ADAMTS2: variants seen among roughly 807,000 people sequenced by gnomAD.
ADAMTS2 encodes the protein ADAM metallopeptidase with thrombospondin type 1 motif 2.
A neutral mutation model predicts 123.0 loss-of-function variants in ADAMTS2; 50 were observed. The observed-to-expected ratio is 0.41, with a 90% confidence interval of 0.32 to 0.51. The LOEUF (loss-of-function observed/expected upper bound fraction) is 0.51, where lower values mean the gene tolerates loss of function less well. ADAMTS2 is among the 20% of genes least tolerant of loss of function. ADAMTS2 has a pLI of 0.35. For synonymous variants in ADAMTS2, 678 were observed against 695.4 expected, an observed-to-expected ratio of 0.98 and a Z score of 0.39; for missense variants, 1,494 against 1,705.2, an observed-to-expected ratio of 0.88 and a Z score of 2.18.
At chr5:179,133,868 AATT>A (rs1191559172) in intron 13 of ADAMTS2, among the ~76,000 whole-genome samples, 1 of 138,506 alleles carries the variant, frequency 7.2e-6, no homozygotes, top group Non-Finnish European at 1.6e-5. Context: ...AGTCCCAGCT[AATT>A]TTTTTTTTTT....
chr5:179,207,396 GCTAA>G (rs1294416853), intron 4 of ADAMTS2, 113 bp downstream of exon 4: 57 of 1,117,068 alleles, frequency 5.1e-5, no homozygotes, highest in Non-Finnish European at 6.7e-5. Context: ...CTCACCTCCG[GCTAA>G]CAAGGAAATC....
At chr5:179,288,152 A>AG (rs1561690833) in intron 2 of ADAMTS2, among the ~76,000 whole-genome samples, 1 of 151,134 alleles carries the variant, frequency 6.6e-6, no homozygotes, top group Non-Finnish European at 1.5e-5. Flanking sequence ...GGCCCCTCTC[A>AG]GGACCCCTCC....
At chr5:179,221,104 C>T (rs551202160) in intron 3 of ADAMTS2, among the ~76,000 whole-genome samples, 7 of 152,266 alleles carry the variant, frequency 4.6e-5, no homozygotes, top group South Asian at 2.1e-4. Context: ...CAGCCCTGCA[C>T]GGTGGGCCAC....
At position 179,245,029 on chromosome 5, in the gene ADAMTS2, T is replaced by C. The variant is rs1009829999; in HGVS notation, c.688+27882A>G. Among the ~76,000 whole-genome samples the C allele has an allele frequency of 3.9e-5, 6 of 152,238 alleles. No individual in the cohort carries two copies. In the East Asian group the frequency reaches 7.7e-4, roughly 20 times the overall value. On this transcript the variant is annotated intron_variant, in intron 3 of 21. Coordinates refer to ENST00000251582, the MANE Select transcript of ADAMTS2 (RefSeq NM_014244.5). Reference sequence around the variant, plus strand: ...GAACCTATCTATCTGTAAGGTTATATGTAAAGGAAAATTAACATTGTAAAT... The same window carrying C: ...GAACCTATCTATCTGTAAGGTTATACGTAAAGGAAAATTAACATTGTAAAT...
intron 3 of ADAMTS2, among the ~76,000 whole-genome samples, chr5:179,217,842 GCACACTCACTA>G (rs1321208863): frequency 1.3e-3 from 94 of 71,228 alleles, no homozygotes; most frequent in African/African-American, 5.1e-3. Context: ...GGGCAGACAG[GCACACTCACTA>G]GGTAGGGGAT....
chr5:179,134,410 C>G (rs1020288643), intron 13 of ADAMTS2, among the ~76,000 whole-genome samples: 8 of 152,100 alleles, frequency 5.3e-5, no homozygotes, highest in African/African-American at 1.7e-4. Flanking sequence ...CTAACTCATC[C>G]CAGGGTTGGG....
Position 179,317,986 on chromosome 5 carries a change from C to A in ADAMTS2, c.534+25781G>T, listed in dbSNP as rs912893190. On this transcript the variant is annotated intron_variant, in intron 2 of 21. Transcript: ENST00000251582. The surrounding 1 kb of genome is among the most constrained non-coding windows in gnomAD (Gnocchi z 4.9). Reference sequence around the variant, plus strand: ...ACATGAGGAACGGGCAGTGATGAATCTGAAGCCCTGCTGGTCAGCAGAGCC... The same window carrying A: ...ACATGAGGAACGGGCAGTGATGAATATGAAGCCCTGCTGGTCAGCAGAGCC... Among the ~76,000 whole-genome samples, 1 of 152,218 alleles carries A rather than the reference C, an allele frequency of 6.6e-6. No homozygotes were observed. The highest frequency in any genetic ancestry group is 1.5e-5 in the Non-Finnish European group (1 of 68,034).
chr5:179,285,346 C>A lies in ADAMTS2; in HGVS notation c.535-12282G>T, dbSNP rs413912. On this transcript the variant is annotated intron_variant, in intron 2 of 21. Coordinates refer to ENST00000251582, the MANE Select transcript of ADAMTS2 (RefSeq NM_014244.5). This position sits in a 1 kb window ranked among gnomAD's most constrained non-coding sequence, Gnocchi z 4.9. ...GGGGAAAATGGAATAAACAAGATGC[C>A]GACAAGAATGCCTCACGGGGCCAGC... Among the ~76,000 whole-genome samples the A allele has an allele frequency of 6.6e-6, 1 of 152,132 alleles. No individual in the cohort carries two copies. Among genetic ancestry groups the A allele is most frequent in the Non-Finnish European group, 1.5e-5 (1 of 68,026 alleles).
chr5:179,132,201 A>AC lies in ADAMTS2; in HGVS notation c.2290+28dup. The AC allele has an allele frequency of 6.2e-7, 1 of 1,607,982 alleles. No homozygotes were observed. The highest frequency in any genetic ancestry group is 1.1e-5 in the South Asian group (1 of 90,888). ...ATCCCAGAGGAGCCAGGTCCTGAGG[A>AC]CGTCAAGTTGTCCGGCTCTGAGACT... On this transcript the variant is annotated intron_variant, in intron 15 of 21. Transcript: ENST00000251582. The surrounding 1 kb of genome is among the most constrained non-coding windows in gnomAD (Gnocchi z 6.1).
chr5:179,326,749 C>T (rs1320908134), intron 2 of ADAMTS2, among the ~76,000 whole-genome samples: 1 of 152,092 alleles, frequency 6.6e-6, no homozygotes, highest in Admixed American at 6.5e-5. Flanking sequence ...GAGGCTCGCT[C>T]GCCCAGGGAG....
intron 2 of ADAMTS2, among the ~76,000 whole-genome samples, chr5:179,302,640 G>A (rs181904677): frequency 1.1e-4 from 15 of 142,684 alleles, no homozygotes; most frequent in Admixed American, 5.6e-4. Flanking sequence ...GCTATCTCCC[G>A]GGGGGGCAAA....
At chr5:179,245,479 G>C (rs1219567921) in intron 3 of ADAMTS2, among the ~76,000 whole-genome samples, 1 of 152,020 alleles carries the variant, frequency 6.6e-6, no homozygotes, top group Non-Finnish European at 1.5e-5. Context: ...TACAAAGATG[G>C]GGGTGGGCCG....
rs765468453 is a variant in ADAMTS2 at position 179,295,782 on chromosome 5, G to C, written c.535-22718C>G. Among the ~76,000 whole-genome samples, 76 of 152,358 alleles carry C rather than the reference G, an allele frequency of 5.0e-4. 1 individual carries two copies. Among genetic ancestry groups the C allele is most frequent in the Middle Eastern group, 6.8e-3 (2 of 294 alleles). On this transcript the variant is annotated intron_variant, in intron 2 of 21. Coordinates refer to ENST00000251582, the MANE Select transcript of ADAMTS2 (RefSeq NM_014244.5). ...AGAGTCGGGGTGGGAGGAGCTGGAG[G>C]CTCTGGAAGGGATTCAGGAGCAGCC...
intron 4 of ADAMTS2, among the ~76,000 whole-genome samples, chr5:179,201,227 G>A (rs1325782926): frequency 1.3e-5 from 2 of 152,256 alleles, no homozygotes; most frequent in East Asian, 1.9e-4. Flanking sequence ...CAGAGACTTC[G>A]CTTTCAGCAA....
Position 179,189,394 on chromosome 5 carries a change from T to C in ADAMTS2, c.892-8239A>G, listed in dbSNP as rs1024768874. Reference sequence around the variant, plus strand: ...ACGGAGTCTCTCTCTGTTGCCCAGGTTGGAGTGCAGTGGCATGATCTCAGC... The same window carrying C: ...ACGGAGTCTCTCTCTGTTGCCCAGGCTGGAGTGCAGTGGCATGATCTCAGC... On this transcript the variant is annotated intron_variant, in intron 4 of 21. Coordinates refer to ENST00000251582, the MANE Select transcript of ADAMTS2 (RefSeq NM_014244.5). This position sits in a 1 kb window ranked among gnomAD's most constrained non-coding sequence, Gnocchi z 4.2. Among the ~76,000 whole-genome samples the C allele has an allele frequency of 2.6e-5, 4 of 151,522 alleles. No homozygotes were observed. The highest frequency in any genetic ancestry group is 3.9e-4 in the East Asian group (2 of 5,130).
In ADAMTS2 at chr5:179,198,422, G is replaced by T. The variant is rs115256538; in HGVS notation, c.891+9091C>A. Among the ~76,000 whole-genome samples, 509 of 152,314 alleles carry T rather than the reference G, an allele frequency of 3.3e-3. 1 individual carries two copies. The highest frequency in any genetic ancestry group is 0.012 in the African/African-American group (480 of 41,572). On this transcript the variant is annotated intron_variant, in intron 4 of 21. Transcript: ENST00000251582. ...CCCCTCTGCCCTTAGACGGGGGAAT[G>T]TGGGCATCCCCAAGGGGCCTCAGCA...
rs1763600143 is a variant in ADAMTS2, at chr5:179,162,009, A to G, written c.976-3130T>C. Among the ~76,000 whole-genome samples, 1 of 152,162 alleles carries G rather than the reference A, an allele frequency of 6.6e-6. No individual in the cohort carries two copies. The highest frequency in any genetic ancestry group is 2.1e-4 in the South Asian group (1 of 4,828). On this transcript the variant is annotated intron_variant, in intron 5 of 21. Transcript: ENST00000251582. The surrounding 1 kb of genome is among the most constrained non-coding windows in gnomAD (Gnocchi z 5.1). ...GTGAGTGTCTCCATCCAGGACACCC[A>G]GCACAGCTCGGTAGCCTTGCTGGGC...
At chr5:179,193,212 A>T (rs1764346402) in intron 4 of ADAMTS2, among the ~76,000 whole-genome samples, 1 of 152,160 alleles carries the variant, frequency 6.6e-6, no homozygotes, top group Non-Finnish European at 1.5e-5. Flanking sequence ...CCCATGAGAA[A>T]AAAGCTTGTC....
In ADAMTS2 at chr5:179,185,989, G is replaced by A. The variant is rs1298041218; in HGVS notation, c.892-4834C>T. Among the ~76,000 whole-genome samples the A allele has an allele frequency of 6.6e-6, 1 of 152,020 alleles. No homozygotes were observed. The highest frequency in any genetic ancestry group is 2.4e-5 in the African/African-American group (1 of 41,398). The stretch of plus-strand genomic sequence containing the variant: ...CCCTGGTAGCCTTCAACTGTGGTGC[G>A]CTCTCCCTGATCCTCTCCCCAGGAA... On this transcript the variant is annotated intron_variant, in intron 4 of 21. Transcript: ENST00000251582. This position sits in a 1 kb window ranked among gnomAD's most constrained non-coding sequence, Gnocchi z 5.9.
Sources: allele counts gnomAD v4.1 joint callset (sites outside exome capture counted in the v4.1 genomes callset), GRCh38; gene constraint gnomAD v4.1.1; non-coding constraint Gnocchi (gnomAD v3.1); transcripts MANE v1.5; gene names NCBI Gene and HGNC (gene_info 2026-07-23, HGNC 2026-07-21).